The following STPG2 variants were observed in gnomAD, a reference collection of about 807,000 sequenced individuals.
STPG2 encodes sperm-tail PG-rich repeat-containing protein 2.
STPG2 carries 56 observed loss-of-function variants against 54.2 expected under a neutral mutation model. That is an observed-to-expected ratio of 1.03 (90% CI 0.83 to 1.29). STPG2 has a LOEUF of 1.29. STPG2 is among the 50% of genes most tolerant of loss of function. STPG2 has a pLI of 0.00. For synonymous variants in STPG2, 200 were observed against 181.8 expected, an observed-to-expected ratio of 1.10 and a Z score of -0.81; for missense variants, 596 against 544.9, an observed-to-expected ratio of 1.09 and a Z score of -0.93.
intron 5 of STPG2, among the ~76,000 whole-genome samples, chr4:98,018,184 C>G (rs1206995289): frequency 6.6e-6 from 1 of 151,176 alleles, no homozygotes; most frequent in Non-Finnish European, 1.5e-5. Context: ...CACCCCACAA[C>G]AGTCCCCAGA....
intron 9 of STPG2, among the ~76,000 whole-genome samples, chr4:97,748,423 T>C (rs1285112200): frequency 6.6e-6 from 1 of 151,578 alleles, no homozygotes; most frequent in East Asian, 1.9e-4. Flanking sequence ...GAAAATTGAA[T>C]AGCTCACTGA....
At chr4:97,696,238 T>A (rs1431995491) in intron 10 of STPG2, among the ~76,000 whole-genome samples, 1 of 152,214 alleles carries the variant, frequency 6.6e-6, no homozygotes, top group African/African-American at 2.4e-5. Flanking sequence ...TACAGTCAAT[T>A]GATCTTTGAC....
rs558299854 is a variant in STPG2, at chr4:98,047,281, C to A, written c.612+58672G>T. 7.4e-4 allele frequency among the ~76,000 whole-genome samples: 113 copies of A among 152,256 alleles called. No individual in the cohort carries two copies. The South Asian group carries it at 0.022, about 30-fold the overall frequency. The stretch of plus-strand genomic sequence containing the variant: ...GTGTGGATAAACTGACAAGGAGAAG[C>A]TGGAGACCTGATTTTATCACTGAAG... On this transcript the variant is annotated intron_variant, in intron 5 of 10. Coordinates refer to ENST00000295268, the MANE Select transcript of STPG2 (RefSeq NM_174952.3).
At chr4:97,616,632 T>A (rs1470349712) in intron 10 of STPG2, among the ~76,000 whole-genome samples, 2 of 152,124 alleles carry the variant, frequency 1.3e-5, no homozygotes, top group Admixed American at 6.6e-5. Context: ...CAGAATTGCA[T>A]GATAACTGAT....
At chr4:98,131,525 C>T (rs576202265) in intron 2 of STPG2, among the ~76,000 whole-genome samples, 1 of 152,146 alleles carries the variant, frequency 6.6e-6, no homozygotes, top group Non-Finnish European at 1.5e-5. Flanking sequence ...TGATATTATT[C>T]AACAAAGTAC....
intron 8 of STPG2, among the ~76,000 whole-genome samples, chr4:97,913,455 G>A (rs1731755902): frequency 6.6e-6 from 1 of 152,140 alleles, no homozygotes; most frequent in South Asian, 2.1e-4. Flanking sequence ...GTATGAATAT[G>A]TCTGAAGTCA....
intron 8 of STPG2, among the ~76,000 whole-genome samples, chr4:97,904,868 T>C (rs1388524712): frequency 6.6e-6 from 1 of 151,952 alleles, no homozygotes; most frequent in Non-Finnish European, 1.5e-5. Context: ...CGATGGAAGA[T>C]GAAATGAATG....
At chr4:98,022,590 C>T (rs1402364553) in intron 5 of STPG2, among the ~76,000 whole-genome samples, 2 of 151,984 alleles carry the variant, frequency 1.3e-5, no homozygotes, top group African/African-American at 2.4e-5. Flanking sequence ...GGAAGTTCTC[C>T]TGGATAATAT....
chr4:98,006,982 C>A (rs1026583413), intron 5 of STPG2, among the ~76,000 whole-genome samples: 2 of 152,142 alleles, frequency 1.3e-5, no homozygotes, highest in South Asian at 2.1e-4. Context: ...AACTGCCCCC[C>A]AGATCCCTGT....
chr4:97,899,393 C>G (rs141891048), intron 8 of STPG2, among the ~76,000 whole-genome samples: 56 of 152,078 alleles, frequency 3.7e-4, no homozygotes, highest in Non-Finnish European at 5.2e-4. Context: ...AATGGCCATA[C>G]TGCCCAAAGC....
intron 4 of STPG2, among the ~76,000 whole-genome samples, chr4:97,472,364 C>A (rs1729958451): frequency 1.3e-5 from 2 of 152,156 alleles, no homozygotes; most frequent in South Asian, 4.1e-4. Context: ...AGTTTCACCT[C>A]CAGGAGCTTG....
intron 5 of STPG2, among the ~76,000 whole-genome samples, chr4:97,985,750 T>C (rs1734808575): frequency 6.6e-6 from 1 of 152,200 alleles, no homozygotes; most frequent in African/African-American, 2.4e-5. Flanking sequence ...TGATATCATA[T>C]TCTTTTCTAT....
intron 9 of STPG2, among the ~76,000 whole-genome samples, chr4:97,719,251 ACCCTTCT>A (rs1724377622): frequency 6.6e-6 from 1 of 151,900 alleles, no homozygotes; most frequent in Non-Finnish European, 1.5e-5. Flanking sequence ...TTTATTCACT[ACCCTTCT>A]ATAGCTTTAG....
chr4:98,029,426 T>G (rs544842094), intron 5 of STPG2, among the ~76,000 whole-genome samples: 1 of 152,312 alleles, frequency 6.6e-6, no homozygotes, highest in South Asian at 2.1e-4. Flanking sequence ...CATTATGAAA[T>G]ATCCCTCTTT....
chr4:98,033,149 A>G (rs545061917), intron 5 of STPG2, among the ~76,000 whole-genome samples: 1 of 152,246 alleles, frequency 6.6e-6, no homozygotes, highest in South Asian at 2.1e-4. Flanking sequence ...CTTCAAAAAA[A>G]TCAATGAATC....
intron 9 of STPG2, among the ~76,000 whole-genome samples, chr4:97,725,715 A>T (rs1724602026): frequency 6.6e-6 from 1 of 151,922 alleles, no homozygotes; most frequent in South Asian, 2.1e-4. Context: ...GACAAAATTA[A>T]AATGCTGAAA....
chr4:98,098,672 C>A (rs955769925), intron 5 of STPG2, among the ~76,000 whole-genome samples: 1 of 152,040 alleles, frequency 6.6e-6, no homozygotes, highest in African/African-American at 2.4e-5. Context: ...AAACAATCAA[C>A]AAAGTGAAGA....
chr4:97,575,160 G>GA (rs1228231207), intron 10 of STPG2, among the ~76,000 whole-genome samples: 2 of 151,856 alleles, frequency 1.3e-5, no homozygotes, highest in Non-Finnish European at 2.9e-5. Context: ...ACCTAACAAT[G>GA]AATAAAAGCC....
At chr4:97,732,456 A>C (rs1403498038) in intron 9 of STPG2, among the ~76,000 whole-genome samples, 1 of 152,074 alleles carries the variant, frequency 6.6e-6, no homozygotes, top group African/African-American at 2.4e-5. Context: ...CCATTCCCCA[A>C]TTTATGTTTT....
Sources: gnomAD v4.1 joint callset for allele counts (sites outside exome capture counted in the v4.1 genomes callset) on GRCh38, gnomAD v4.1.1 for gene constraint, MANE v1.5 for transcripts, NCBI Gene and HGNC (gene_info 2026-07-23, HGNC 2026-07-21) for gene names.